Variants in ST6GALNAC3 observed in about 807,000 individuals in gnomAD.
ST6GALNAC3 encodes ST6 N-acetylgalactosaminide alpha-2,6-sialyltransferase 3, also known as alpha-N-acetylgalactosaminide alpha-2,6-sialyltransferase 3.
ST6GALNAC3 carries 25 observed loss-of-function variants against 32.7 expected under a neutral mutation model. That is an observed-to-expected ratio of 0.76 (90% confidence interval 0.56 to 1.07). ST6GALNAC3 has a LOEUF of 1.07. Ranked by LOEUF, ST6GALNAC3 falls within the 50% of genes least tolerant of loss-of-function variation. The pLI is 0.00. For missense variants in ST6GALNAC3, 355 were observed against 382.4 expected (o/e 0.93, Z 0.60); for synonymous variants, 129 against 133.1 (o/e 0.97, Z 0.21).
chr1:76,195,858 C>T (rs934402625), intron 1 of ST6GALNAC3, among the ~76,000 whole-genome samples: 3 of 151,634 alleles, frequency 2.0e-5, no homozygotes, highest in Admixed American at 1.3e-4. Flanking sequence ...CTGTACAGTT[C>T]AAGAATTAGG....
chr1:76,345,123 C>T (rs1363326439), intron 2 of ST6GALNAC3, among the ~76,000 whole-genome samples: 3 of 152,074 alleles, frequency 2.0e-5, no homozygotes, highest in Non-Finnish European at 2.9e-5. Flanking sequence ...AGCTCCTTAC[C>T]ATGTGTGGGT....
At chr1:76,516,819 T>A (rs1474116247) in intron 3 of ST6GALNAC3, among the ~76,000 whole-genome samples, 1 of 152,064 alleles carries the variant, frequency 6.6e-6, no homozygotes, top group Non-Finnish European at 1.5e-5. Context: ...GTCTTTATAT[T>A]TTTTTGAAAG....
chr1:76,370,163 A>C (rs1650706399), intron 2 of ST6GALNAC3, among the ~76,000 whole-genome samples: 1 of 152,176 alleles, frequency 6.6e-6, no homozygotes, highest in African/African-American at 2.4e-5. Context: ...CTAGGAAGCT[A>C]CTTCATTTTC....
chr1:76,477,340 C>T (rs1181375998), intron 3 of ST6GALNAC3, among the ~76,000 whole-genome samples: 1 of 152,076 alleles, frequency 6.6e-6, no homozygotes, highest in East Asian at 1.9e-4. Flanking sequence ...GCCCTGAGAA[C>T]ACAAGGTCAG....
At chr1:76,336,713 A>T (rs1647505608) in intron 2 of ST6GALNAC3, among the ~76,000 whole-genome samples, 1 of 152,144 alleles carries the variant, frequency 6.6e-6, no homozygotes, top group Non-Finnish European at 1.5e-5. Context: ...TCTACCCAGC[A>T]CCTCTGTGGA....
At chr1:76,161,241 A>C (rs1056899588) in intron 1 of ST6GALNAC3, among the ~76,000 whole-genome samples, 2 of 152,214 alleles carry the variant, frequency 1.3e-5, no homozygotes, top group African/African-American at 4.8e-5. Flanking sequence ...TTTCTCTATC[A>C]CTTGAGTGTA....
intron 3 of ST6GALNAC3, among the ~76,000 whole-genome samples, chr1:76,452,797 A>G (rs1657503688): frequency 6.6e-6 from 1 of 152,138 alleles, no homozygotes; most frequent in African/African-American, 2.4e-5. Context: ...GCTTCATAGA[A>G]TGACTTAGGG....
chr1:76,585,680 T>C lies in ST6GALNAC3; in HGVS notation c.624-41772T>C, dbSNP rs545777578. 7.5e-4 allele frequency among the ~76,000 whole-genome samples: 114 copies of C among 152,316 alleles called. 1 individual carries two copies. The highest frequency in any genetic ancestry group is 2.5e-3 in the African/African-American group (106 of 41,576). ...GGCAGAAAGTGAATAACATTTATTT[T>C]AGCATTCATTTCATCTAATCTTATT... On this transcript the variant is annotated intron_variant, in intron 3 of 4. Coordinates refer to ENST00000328299, the MANE Select transcript of ST6GALNAC3 (RefSeq NM_152996.4).
intron 3 of ST6GALNAC3, among the ~76,000 whole-genome samples, chr1:76,449,151 A>G (rs1657203702): frequency 1.3e-5 from 2 of 152,162 alleles, no homozygotes; most frequent in African/African-American, 4.8e-5. Flanking sequence ...GTGAAAATGG[A>G]CTAATGCAAA....
chr1:76,343,992 C>T (rs186955720), intron 2 of ST6GALNAC3, among the ~76,000 whole-genome samples: 118 of 152,232 alleles, frequency 7.8e-4, no homozygotes, highest in Admixed American at 4.4e-3. Flanking sequence ...GGACAAGGGG[C>T]AAGTAGGGCA....
At chr1:76,463,023 T>A (rs1658387201) in intron 3 of ST6GALNAC3, among the ~76,000 whole-genome samples, 1 of 152,122 alleles carries the variant, frequency 6.6e-6, no homozygotes, top group African/African-American at 2.4e-5. Flanking sequence ...GTTCCTAAAG[T>A]CTTATATTTT....
chr1:76,256,305 C>G (rs1036436716), intron 1 of ST6GALNAC3, among the ~76,000 whole-genome samples: 1 of 152,080 alleles, frequency 6.6e-6, no homozygotes, highest in African/African-American at 2.4e-5. Flanking sequence ...CAGATATGTT[C>G]ACTTTTCAAC....
At chr1:76,409,302 CAG>C (rs1233769889) in intron 2 of ST6GALNAC3, among the ~76,000 whole-genome samples, 2 of 152,108 alleles carry the variant, frequency 1.3e-5, no homozygotes, top group African/African-American at 4.8e-5. Flanking sequence ...CCTTTAATAA[CAG>C]AGTTTTAAGA....
chr1:76,198,246 G>T (rs1654321591), intron 1 of ST6GALNAC3, among the ~76,000 whole-genome samples: 1 of 152,126 alleles, frequency 6.6e-6, no homozygotes, highest in Admixed American at 6.5e-5. Flanking sequence ...ATGCTTCCCA[G>T]GCTGGTCTCA....
Position 76,629,896 on chromosome 1 carries a change from G to T in ST6GALNAC3, c.*1090G>T, listed in dbSNP as rs941882846. 1.0e-6 allele frequency: 1 copy of T among 984,950 alleles called. No individual in the cohort carries two copies. Among genetic ancestry groups the T allele is most frequent in the Non-Finnish European group, 1.2e-6 (1 of 829,758 alleles). 61.0% of individuals were successfully genotyped at this position (984,950 alleles called of 1,614,324 possible). A position where few individuals can be genotyped will look rare whatever the true frequency, so the allele number is the denominator to read the frequency against. ...CAGCTGTTACACATGGAGAGGAAATGATTCCTTATATTAAACCTGACCAGA... is the reference window on the plus strand; with the variant it reads ...CAGCTGTTACACATGGAGAGGAAATTATTCCTTATATTAAACCTGACCAGA... On this transcript the variant is annotated 3_prime_UTR_variant, in exon 5 of 5. Coordinates refer to ENST00000328299, the MANE Select transcript of ST6GALNAC3 (RefSeq NM_152996.4).
intron 1 of ST6GALNAC3, among the ~76,000 whole-genome samples, chr1:76,162,619 G>A (rs953556343): frequency 2.0e-5 from 3 of 152,312 alleles, no homozygotes; most frequent in African/African-American, 4.8e-5. Context: ...AGACAATCAT[G>A]AGCCAGCTTA....
intron 3 of ST6GALNAC3, among the ~76,000 whole-genome samples, chr1:76,555,788 G>A (rs1330856308): frequency 2.0e-5 from 3 of 151,970 alleles, no homozygotes; most frequent in Admixed American, 6.6e-5. Context: ...AATTCCCAGG[G>A]TTCTATATTT....
intron 3 of ST6GALNAC3, among the ~76,000 whole-genome samples, chr1:76,538,627 T>C (rs1454887889): frequency 6.6e-6 from 1 of 152,206 alleles, no homozygotes; most frequent in Non-Finnish European, 1.5e-5. Context: ...AACCCCATCA[T>C]ATCAGCCCCA....
chr1:76,620,879 G>T (rs1367726264), intron 3 of ST6GALNAC3, among the ~76,000 whole-genome samples: 1 of 152,022 alleles, frequency 6.6e-6, no homozygotes, highest in East Asian at 1.9e-4. Flanking sequence ...CATTATTGGG[G>T]TTCCATTGTT....
Sources: allele counts gnomAD v4.1 joint callset (sites outside exome capture counted in the v4.1 genomes callset), GRCh38; gene constraint gnomAD v4.1.1; transcripts MANE v1.5; gene names NCBI Gene and HGNC (gene_info 2026-07-23, HGNC 2026-07-21).